The following NFASC variants were observed in gnomAD, a reference collection of about 807,000 sequenced individuals.
NFASC encodes the protein neurofascin.
In NFASC, 43 loss-of-function variants were observed where a neutral mutation model predicts 147.5. That is an observed-to-expected ratio of 0.29 (90% CI 0.23 to 0.38). NFASC has a LOEUF of 0.38. NFASC is among the 10% of genes least tolerant of loss of function. The pLI is 1.00. For synonymous variants in NFASC, 622 were observed against 665.5 expected (o/e 0.93, Z 1.01); for missense variants, 1,320 against 1,689.0 (o/e 0.78, Z 3.83).
intron 29 of NFASC, among the ~76,000 whole-genome samples, chr1:205,014,327 G>A (rs1324533768): frequency 2.6e-5 from 4 of 152,178 alleles, no homozygotes; most frequent in Non-Finnish European, 1.5e-5. Flanking sequence ...TGGAAGGTCC[G>A]CAGCATCCAT....
chr1:204,988,767 G>A lies in NFASC; in HGVS notation c.2728G>A (p.Glu910Lys), dbSNP rs752836283. 1.2e-6 allele frequency: 2 copies of A among 1,614,092 alleles called. No individual in the cohort carries two copies. The highest frequency in any genetic ancestry group is 2.2e-5 in the South Asian group (2 of 91,086). ...CGCCAGGACGCAGGTGGGCTCTGGG[G>A]AAGCCGTCACAGAGGAGTCACCAGC... ...LSARTQVGSG[E>K]AVTEESPAPP... The change falls in exon 23 of 30, where the codon GAA (glutamate) becomes AAA (lysine). Residue 910 changes from glutamate to lysine, a missense_variant. By Grantham distance (56) the Glu-to-Lys change is moderately conservative. This residue lies in a region of NFASC where 981 missense variants were observed against 1,289.5 expected (regional missense o/e 0.76). Transcript: ENST00000339876.
chr1:204,962,092 C>T (rs1487692926), intron 8 of NFASC: 7 of 1,610,932 alleles, frequency 4.3e-6, no homozygotes, highest in East Asian at 2.2e-5. Flanking sequence ...TGCTCACCCT[C>T]TTTTGTTTGT....
chr1:205,002,635 C>T lies in NFASC; in HGVS notation c.3176C>T (p.Ala1059Val), dbSNP rs2096014541. 1 of 1,561,722 alleles carries T rather than the reference C, an allele frequency of 6.4e-7. No homozygotes were observed. The highest frequency in any genetic ancestry group is 2.3e-5 in the East Asian group (1 of 43,618). The change falls in exon 27 of 30, where the codon GCT becomes GTT. Residue 1059 changes from alanine to valine, a missense_variant. By Grantham distance (64) the Ala-to-Val change is moderately conservative (BLOSUM62 0). Transcript: ENST00000339876. ...TKKTVPVKAQAQPIQLTDLYP... is the reference protein window; with the variant it reads ...TKKTVPVKAQVQPIQLTDLYP... ...AAAACTGTCCCAGTTAAGGCCCAGGCTCAGCCTATACAGCTGACAGACCTC... is the reference window on the plus strand; with the variant it reads ...AAAACTGTCCCAGTTAAGGCCCAGGTTCAGCCTATACAGCTGACAGACCTC...
At chr1:204,840,423 C>T (rs1193597655) in intron 1 of NFASC, among the ~76,000 whole-genome samples, 1 of 152,202 alleles carries the variant, frequency 6.6e-6, no homozygotes, top group Non-Finnish European at 1.5e-5. Context: ...GACAGTTTTT[C>T]TCCTCCTTCT....
chr1:205,021,546 A>G lies in NFASC; in HGVS notation c.*5007A>G, dbSNP rs2096400778. ...CGTACAGACAAGGATATGCAAATCC[A>G]CAGAAGTGAAGGGATTTTTGCTCAA... On this transcript the variant is annotated 3_prime_UTR_variant, in exon 30 of 30. Transcript: ENST00000339876. The G allele has an allele frequency of 6.5e-6, 1 of 153,032 alleles. No individual in the cohort carries two copies. The highest frequency in any genetic ancestry group is 2.1e-4 in the South Asian group (1 of 4,838). The allele number at this position is 153,032 out of a possible 1,614,324, so 9.5% of individuals were successfully genotyped here.
Position 204,950,591 on chromosome 1 carries a change from CCT to C in NFASC, c.109+22_109+23del. On this transcript the variant is annotated intron_variant, in intron 4 of 29. Transcript: ENST00000339876. ...AGAATGAGCGTAAGTGCCCTGTGTG[CCT>C]CTCTGTGCCTCTGGGAGTTGGGAGG... The C allele has an allele frequency of 6.2e-7, 1 of 1,610,444 alleles. No homozygotes were observed. The highest frequency in any genetic ancestry group is 8.5e-7 in the Non-Finnish European group (1 of 1,177,842).
chr1:204,932,873 C>T (rs2092488953), intron 2 of NFASC, among the ~76,000 whole-genome samples: 1 of 152,156 alleles, frequency 6.6e-6, no homozygotes, highest in Admixed American at 6.5e-5. Flanking sequence ...ATTCTTCACT[C>T]GGCAGATGTC....
chr1:204,947,919 C>A (rs959857705), intron 3 of NFASC, among the ~76,000 whole-genome samples: 3 of 152,254 alleles, frequency 2.0e-5, no homozygotes, highest in Non-Finnish European at 4.4e-5. Context: ...TGCACACTCA[C>A]ACCCACTCAC....
intron 2 of NFASC, among the ~76,000 whole-genome samples, chr1:204,933,896 G>A (rs1451570689): frequency 6.6e-6 from 1 of 152,144 alleles, no homozygotes; most frequent in Non-Finnish European, 1.5e-5. Flanking sequence ...CCAGCACTTG[G>A]GGAGGCCAAC....
rs2096343424 is a variant in NFASC at position 205,015,645 on chromosome 1, G to A, written c.3492-663G>A. ...CCTTGCTGTCTTCTCACGTTTGCTG[G>A]CATCACCTGCTTACCTGTGTGCCCC... On this transcript the variant is annotated intron_variant, in intron 29 of 29. Transcript: ENST00000339876. This position sits in a 1 kb window ranked among gnomAD's most constrained non-coding sequence, Gnocchi z 4.0. Among the ~76,000 whole-genome samples the A allele has an allele frequency of 6.6e-6, 1 of 152,090 alleles. No individual in the cohort carries two copies. The highest frequency in any genetic ancestry group is 2.1e-4 in the South Asian group (1 of 4,822).
intron 8 of NFASC, among the ~76,000 whole-genome samples, chr1:204,958,065 T>TCA (rs1174607369): frequency 6.6e-6 from 1 of 152,162 alleles, no homozygotes; most frequent in Non-Finnish European, 1.5e-5. Context: ...CTGGTGGGAA[T>TCA]CAGAATCACC....
intron 1 of NFASC, among the ~76,000 whole-genome samples, chr1:204,880,273 T>C (rs1014892009): frequency 6.6e-6 from 1 of 152,152 alleles, no homozygotes; most frequent in African/African-American, 2.4e-5. Flanking sequence ...ATGGCTGAAA[T>C]CTCTTAGGAA....
At chr1:204,910,649 T>C (rs2087189194) in intron 1 of NFASC, among the ~76,000 whole-genome samples, 1 of 151,698 alleles carries the variant, frequency 6.6e-6, no homozygotes, top group Admixed American at 6.6e-5. Context: ...GCACCTGCAG[T>C]TCTAGCTACT....
chr1:204,937,032 A>G (rs2092912758), intron 2 of NFASC, among the ~76,000 whole-genome samples: 1 of 139,408 alleles, frequency 7.2e-6, no homozygotes, highest in Non-Finnish European at 1.7e-5. Context: ...TGTCTTTGCA[A>G]GGTTAGTGCC....
At chr1:204,997,466 G>C in intron 25 of NFASC, 60 bp downstream of exon 25, 1 of 1,543,516 alleles carries the variant, frequency 6.5e-7, no homozygotes, top group South Asian at 1.2e-5. Flanking sequence ...GCGGCCTCCA[G>C]ACGAACCCAC....
chr1:204,882,514 C>T (rs1388806693), intron 1 of NFASC, among the ~76,000 whole-genome samples: 2 of 152,098 alleles, frequency 1.3e-5, no homozygotes, highest in African/African-American at 4.8e-5. Context: ...AAAATCTGCC[C>T]TTTCTTTCCC....
intron 1 of NFASC, among the ~76,000 whole-genome samples, chr1:204,913,757 G>A (rs777883310): frequency 6.6e-6 from 1 of 151,934 alleles, no homozygotes; most frequent in Non-Finnish European, 1.5e-5. Flanking sequence ...TGTGGGCCCA[G>A]TGCTTGTGGT....
chr1:204,929,837 A>G (rs1279771864), intron 2 of NFASC, among the ~76,000 whole-genome samples: 2 of 152,102 alleles, frequency 1.3e-5, no homozygotes, highest in Non-Finnish European at 2.9e-5. Flanking sequence ...TGGGCTAGGC[A>G]TCAATAGGGG....
rs1360392435 is a variant in NFASC at position 205,021,852 on chromosome 1, A to G, written c.*5313A>G. On this transcript the variant is annotated 3_prime_UTR_variant, in exon 30 of 30. Coordinates refer to ENST00000339876, the MANE Select transcript of NFASC (RefSeq NM_001005388.3). ...TTCACCCAGTCATGCAATTAAGGGC[A>G]GATCTGGGCCAGTGGAATAGGATAG... 1 of 152,808 alleles carries G rather than the reference A, an allele frequency of 6.5e-6. No individual in the cohort carries two copies. Among genetic ancestry groups the G allele is most frequent in the Non-Finnish European group, 1.5e-5 (1 of 68,064 alleles). The allele number at this position is 152,808 out of a possible 1,614,324, so 9.5% of individuals were successfully genotyped here.
Sources: gnomAD v4.1 joint callset for allele counts (sites outside exome capture counted in the v4.1 genomes callset) on GRCh38, gnomAD v4.1.1 for gene constraint, gnomAD v4.1.1 regional missense constraint, Gnocchi (gnomAD v3.1) non-coding constraint, MANE v1.5 for transcripts, NCBI Gene and HGNC (gene_info 2026-07-23, HGNC 2026-07-21) for gene names.